The following GNB1 variants were observed in gnomAD, a reference collection of about 807,000 sequenced individuals.
GNB1 encodes guanine nucleotide-binding protein G(I)/G(S)/G(T) subunit beta-1.
In GNB1, 2 loss-of-function variants were observed where a neutral mutation model predicts 42.9. The observed-to-expected ratio is 0.05, with a 90% CI of 0.02 to 0.15. The LOEUF (loss-of-function observed/expected upper bound fraction) is 0.15. Among genes scored for constraint, GNB1 ranks in the 10% least tolerant of loss-of-function variants. GNB1 has a pLI of 1.00. For missense variants in GNB1, 193 were observed against 462.2 expected, an observed-to-expected ratio of 0.42 and a Z score of 5.34; for synonymous variants, 183 against 174.7, an observed-to-expected ratio of 1.05 and a Z score of -0.38.
At chr1:1,846,434 G>T (rs1647671916) in intron 1 of GNB1, among the ~76,000 whole-genome samples, 1 of 152,136 alleles carries the variant, frequency 6.6e-6, no homozygotes, top group Admixed American at 6.6e-5. Flanking sequence ...AGGCGTGGTG[G>T]CTGGCACCTG....
intron 1 of GNB1, among the ~76,000 whole-genome samples, chr1:1,861,002 G>A (rs988942963): frequency 5.9e-5 from 9 of 151,582 alleles, no homozygotes; most frequent in African/African-American, 2.2e-4. Flanking sequence ...CAGCTACTTG[G>A]GAGGCTGAGA....
chr1:1,787,772 C>A lies in GNB1; in HGVS notation c.917-335G>T, dbSNP rs567580143. ...TATCATCAGACGCAGTGGCTTAGGC[C>A]TGTAATCCCAGCACGTTGGAAGGCC... On this transcript the variant is annotated intron_variant, in intron 10 of 11. Coordinates refer to ENST00000378609, the MANE Select transcript of GNB1 (RefSeq NM_002074.5). The surrounding 1 kb of genome is among the most constrained non-coding windows in gnomAD (Gnocchi z 4.4). Among the ~76,000 whole-genome samples, 133 of 152,284 alleles carry A rather than the reference C, an allele frequency of 8.7e-4. 2 individuals are homozygous for A. Among genetic ancestry groups the A allele is most frequent in the Non-Finnish European group, 7.9e-4 (54 of 68,024 alleles).
intron 10 of GNB1, 147 bp downstream of exon 10, chr1:1,788,906 C>T: frequency 1.6e-6 from 1 of 628,958 alleles, no homozygotes; most frequent in Non-Finnish European, 2.8e-6. Context: ...CAGAGCTGGG[C>T]CATCAGTTTG....
chr1:1,875,181 T>A (rs1249452444), intron 1 of GNB1, among the ~76,000 whole-genome samples: 1 of 151,676 alleles, frequency 6.6e-6, no homozygotes, highest in Non-Finnish European at 1.5e-5. Context: ...TTAGAAGACA[T>A]TTTATCTTTT....
chr1:1,825,725 C>T (rs1187346279), intron 2 of GNB1, among the ~76,000 whole-genome samples: 2 of 152,060 alleles, frequency 1.3e-5, no homozygotes, highest in African/African-American at 4.8e-5. Context: ...ATTAGCCAGG[C>T]ATGGTGGCAG....
intron 1 of GNB1, among the ~76,000 whole-genome samples, chr1:1,880,449 G>A (rs1474683654): frequency 3.9e-5 from 6 of 152,068 alleles, no homozygotes; most frequent in African/African-American, 1.4e-4. Context: ...TTAGCCGGGC[G>A]TGGTGGGGGG....
intron 1 of GNB1, among the ~76,000 whole-genome samples, chr1:1,857,749 TTA>T (rs1402337712): frequency 1.3e-5 from 2 of 152,182 alleles, no homozygotes; most frequent in Admixed American, 6.5e-5. Flanking sequence ...GTACCACACT[TTA>T]TATAGACTAC....
chr1:1,837,107 G>T (rs1307908903), intron 2 of GNB1, among the ~76,000 whole-genome samples: 1 of 152,038 alleles, frequency 6.6e-6, no homozygotes, highest in Admixed American at 6.6e-5. Flanking sequence ...AGGAGCAGAA[G>T]TTTTAAATTT....
rs144857397 is a variant in GNB1, at chr1:1,789,558, G to A, written c.700-289C>T. ...AAATACAAAATTAGCTGGGCGTGGC[G>A]GCGTGCGCCTGTAATCCCAGCTACT... On this transcript the variant is annotated intron_variant, in intron 9 of 11. Transcript: ENST00000378609. 8.3e-3 allele frequency among the ~76,000 whole-genome samples: 1,257 copies of A among 152,292 alleles called. 20 individuals carry two copies. Among genetic ancestry groups the A allele is most frequent in the African/African-American group, 0.029 (1,213 of 41,554 alleles).
intron 1 of GNB1, among the ~76,000 whole-genome samples, chr1:1,859,117 G>T (rs886363146): frequency 6.6e-6 from 1 of 151,546 alleles, no homozygotes; most frequent in African/African-American, 2.4e-5. Flanking sequence ...CACCTCTCAG[G>T]TTCAATCAAT....
chr1:1,808,974 A>G (rs545345520), intron 5 of GNB1, among the ~76,000 whole-genome samples: 1 of 152,264 alleles, frequency 6.6e-6, no homozygotes, highest in East Asian at 1.9e-4. Context: ...AGCTGTGAAC[A>G]TATGTGGCTT....
intron 1 of GNB1, among the ~76,000 whole-genome samples, chr1:1,862,719 A>G (rs1162614811): frequency 6.6e-6 from 1 of 152,028 alleles, no homozygotes; most frequent in Non-Finnish European, 1.5e-5. Context: ...TTGACCTCCC[A>G]AAGTGTTGGG....
intron 1 of GNB1, among the ~76,000 whole-genome samples, chr1:1,845,824 T>TACATAC (rs1647622043): frequency 2.9e-5 from 4 of 140,280 alleles, no homozygotes; most frequent in African/African-American, 8.1e-5. Flanking sequence ...TGTAAGTCCA[T>TACATAC]ACACACACAC....
At chr1:1,844,163 C>G (rs969665617) in intron 1 of GNB1, among the ~76,000 whole-genome samples, 5 of 151,502 alleles carry the variant, frequency 3.3e-5, no homozygotes, top group African/African-American at 1.2e-4. Flanking sequence ...TCACTGCACT[C>G]CAGCCTGGGT....
intron 1 of GNB1, among the ~76,000 whole-genome samples, chr1:1,846,481 C>A (rs991346814): frequency 6.6e-6 from 1 of 152,062 alleles, no homozygotes; most frequent in African/African-American, 2.4e-5. Flanking sequence ...GCAGAAGGAT[C>A]GCTTGAACCC....
At position 1,817,914 on chromosome 1, in the gene GNB1, G is replaced by C. The variant is rs780359561; in HGVS notation, c.58-39C>G. 3.9e-6 allele frequency: 6 copies of C among 1,526,488 alleles called. No individual in the cohort carries two copies. The South Asian group carries it at 5.6e-5, about 14-fold the overall frequency. The allele number at this position is 1,526,488 out of a possible 1,614,324, so 94.6% of individuals were successfully genotyped here. Reference sequence around the variant, plus strand: ...ACAGTGAGAAATTAGCAACCTTTCAGATACATTCAATCTCAGGTCCACACA... The same window carrying C: ...ACAGTGAGAAATTAGCAACCTTTCACATACATTCAATCTCAGGTCCACACA... On this transcript the variant is annotated intron_variant, in intron 3 of 11. Coordinates refer to ENST00000378609, the MANE Select transcript of GNB1 (RefSeq NM_002074.5).
At chr1:1,802,778 A>C (rs548003395) in intron 7 of GNB1, among the ~76,000 whole-genome samples, 55 of 151,944 alleles carry the variant, frequency 3.6e-4, no homozygotes, top group Admixed American at 7.9e-4. Flanking sequence ...AAAAAAAAAA[A>C]AGACAATATG....
At chr1:1,856,965 G>A (rs1648340109) in intron 1 of GNB1, among the ~76,000 whole-genome samples, 1 of 152,180 alleles carries the variant, frequency 6.6e-6, no homozygotes, top group South Asian at 2.1e-4. Flanking sequence ...GAGAGCCCAG[G>A]TATATGGAGA....
At chr1:1,813,086 A>G (rs1646804626) in intron 5 of GNB1, among the ~76,000 whole-genome samples, 1 of 152,138 alleles carries the variant, frequency 6.6e-6, no homozygotes, top group African/African-American at 2.4e-5. Flanking sequence ...CAGAGGTAAC[A>G]TACTGTTTTG....
Sources: gnomAD v4.1 joint callset for allele counts (sites outside exome capture counted in the v4.1 genomes callset) on GRCh38, gnomAD v4.1.1 for gene constraint, Gnocchi (gnomAD v3.1) non-coding constraint, MANE v1.5 for transcripts, NCBI Gene and HGNC (gene_info 2026-07-23, HGNC 2026-07-21) for gene names.